The following DDX23 variants were observed in gnomAD, a reference collection of about 807,000 sequenced individuals.
The protein encoded by DDX23 is probable ATP-dependent RNA helicase DDX23.
DDX23 carries 33 observed loss-of-function variants against 102.7 expected under a neutral mutation model. The ratio of observed to expected loss-of-function variants is 0.32; its 90% CI spans 0.24 to 0.43. DDX23 has a LOEUF of 0.43. Ranked by LOEUF, DDX23 falls within the 20% of genes least tolerant of loss-of-function variation. The pLI is 1.00. For synonymous variants in DDX23, 352 were observed against 376.0 expected, an observed-to-expected ratio of 0.94 and a Z score of 0.74; for missense variants, 549 against 1,086.6, an observed-to-expected ratio of 0.51 and a Z score of 6.96.
chr12:48,843,839 C>G, intron 3 of DDX23, 101 bp downstream of exon 3: 1 of 1,329,182 alleles, frequency 7.5e-7, no homozygotes. Flanking sequence ...TGAGCCACCA[C>G]GCCTGGCGAG....
At chr12:48,850,865 G>A (rs1286965855) in intron 1 of DDX23, among the ~76,000 whole-genome samples, 5 of 152,120 alleles carry the variant, frequency 3.3e-5, no homozygotes, top group Admixed American at 6.6e-5. Flanking sequence ...GTTGCATTGC[G>A]GGAATGGAAG....
chr12:48,848,147 G>GT (rs1377912327), intron 1 of DDX23, among the ~76,000 whole-genome samples: 1 of 152,086 alleles, frequency 6.6e-6, no homozygotes, highest in Non-Finnish European at 1.5e-5. Context: ...TTAGCCGGGC[G>GT]TGGTGGTGGG....
At position 48,836,706 on chromosome 12, in the gene DDX23, C is replaced by G; in HGVS notation, c.1099G>C (p.Asp367His). The G allele has an allele frequency of 6.2e-7, 1 of 1,614,214 alleles. No homozygotes were observed. Among genetic ancestry groups the G allele is most frequent in the Non-Finnish European group, 8.5e-7 (1 of 1,180,046 alleles). ...TCACGGAAGATCCGCCAGTCCCTGT[C>G]CGTCATCTCATCTAACTTTTTCTGA... ...WSQKKLDEMT[D>H]RDWRIFREDY... Residue 367 changes from aspartate (D) to histidine (H), a missense_variant, in exon 10 of 17, where the codon GAC (aspartate) becomes CAC (histidine). Physicochemically the swap from Asp to His is moderately conservative, Grantham distance 81. This residue lies in a region of DDX23 where 270 missense variants were observed against 707.0 expected (regional missense o/e 0.38). Coordinates refer to ENST00000308025, the MANE Select transcript of DDX23 (RefSeq NM_004818.3). The surrounding 1 kb of genome is among the most constrained non-coding windows in gnomAD (Gnocchi z 6.1).
chr12:48,839,717 C>T, intron 5 of DDX23, 127 bp downstream of exon 5: 1 of 905,384 alleles, frequency 1.1e-6, no homozygotes, highest in Non-Finnish European at 1.7e-6. Context: ...ACCCTGCTGA[C>T]ACTCCGCTCT....
Position 48,830,703 on chromosome 12 carries a change from G to A in DDX23, c.2240-11C>T. The A allele has an allele frequency of 6.3e-7, 1 of 1,594,542 alleles. No homozygotes were observed. The highest frequency in any genetic ancestry group is 8.5e-7 in the Non-Finnish European group (1 of 1,169,812). On this transcript the variant is annotated splice_polypyrimidine_tract_variant and intron_variant, in intron 16 of 16. Transcript: ENST00000308025. The surrounding 1 kb of genome is among the most constrained non-coding windows in gnomAD (Gnocchi z 4.9). ...TGCGGTGGATGTAATCTGGGGAATG[G>A]GAAGAACGTCACTCAGCATAGCCCA...
In DDX23 at chr12:48,845,662, A is replaced by G. The variant is rs1592204983; in HGVS notation, c.121T>C (p.Ser41Pro). 2 of 1,614,196 alleles carry G rather than the reference A, an allele frequency of 1.2e-6. No individual in the cohort carries two copies. Among genetic ancestry groups the G allele is most frequent in the Non-Finnish European group, 1.7e-6 (2 of 1,180,038 alleles). ...DRDRDRKSSP[S>P]KDRKRHRSRD... is the part of the protein sequence containing the mutation. ...GAACGATGCCGCTTTCTATCTTTAG[A>G]TGGGGAAGACTTCCGGTCCCGGTCT... The change falls in exon 2 of 17, where the codon TCT becomes CCT. Residue 41 changes from serine (S) to proline (P), a missense_variant. Transcript: ENST00000308025.
At chr12:48,847,189 T>G (rs1258450787) in intron 1 of DDX23, 4 of 152,202 alleles carry the variant, frequency 2.6e-5, no homozygotes. Flanking sequence ...GACTGATTGT[T>G]CTGTATCAGT....
rs763929446 is a variant in DDX23 at position 48,836,304 on chromosome 12, G to A, written c.1237-38C>T. ...CAAGAAAGAGTAATAGGTACAGGGAGAGTTATACCACCTGGGCAACCACTG... is the reference window on the plus strand; with the variant it reads ...CAAGAAAGAGTAATAGGTACAGGGAAAGTTATACCACCTGGGCAACCACTG... On this transcript the variant is annotated intron_variant, in intron 10 of 16. Transcript: ENST00000308025. The surrounding 1 kb of genome is among the most constrained non-coding windows in gnomAD (Gnocchi z 6.1). 3.7e-6 allele frequency: 6 copies of A among 1,606,792 alleles called. No homozygotes were observed. The highest frequency in any genetic ancestry group is 2.2e-5 in the East Asian group (1 of 44,682).
At chr12:48,842,174 G>C (rs957323143) in intron 3 of DDX23, among the ~76,000 whole-genome samples, 4 of 86,206 alleles carry the variant, frequency 4.6e-5, no homozygotes, top group African/African-American at 1.1e-4. Flanking sequence ...GGAGGGAGGT[G>C]GGGGGGGTTA....
chr12:48,842,645 C>T (rs1326813179), intron 3 of DDX23, among the ~76,000 whole-genome samples: 1 of 132,698 alleles, frequency 7.5e-6, no homozygotes, highest in Non-Finnish European at 1.6e-5. Context: ...CCCCTCTGCC[C>T]GGCCAGCCGC....
At chr12:48,842,543 A>G (rs1592203392) in intron 3 of DDX23, among the ~76,000 whole-genome samples, 3 of 127,382 alleles carry the variant, frequency 2.4e-5, no homozygotes, top group African/African-American at 3.0e-5. Context: ...TCCGGGAGGG[A>G]GGTGGGGGGG....
Position 48,830,508 on chromosome 12 carries a change from G to C in DDX23, c.2424C>G (p.Ile808Met). The C allele has an allele frequency of 6.2e-7, 1 of 1,613,846 alleles. No individual in the cohort carries two copies. Among genetic ancestry groups the C allele is most frequent in the Non-Finnish European group, 8.5e-7 (1 of 1,180,008 alleles). ...TCTCTTCCCGGCGCTTCTTGGTGAG[G>C]ATGGTGCCTGGCTTATGCTGGGCAT... ...HPDAQHKPGT[I>M]LTKKRREETI... Residue 808 changes from isoleucine to methionine, a missense_variant, in exon 17 of 17, where the codon ATC becomes ATG. Physicochemically the swap from Ile to Met is conservative, Grantham distance 10. Around this residue, in one of 4 missense-constraint regions of DDX23, gnomAD observed 38 missense variants for 94.5 expected, o/e 0.40. Transcript: ENST00000308025. The surrounding 1 kb of genome is among the most constrained non-coding windows in gnomAD (Gnocchi z 4.9).
Position 48,839,028 on chromosome 12 carries a change from AC to A in DDX23, c.480+815del, listed in dbSNP as rs375381993. Among the ~76,000 whole-genome samples the A allele has an allele frequency of 2.6e-5, 4 of 152,134 alleles. No individual in the cohort carries two copies. The East Asian group carries it at 7.8e-4, about 30-fold the overall frequency. On this transcript the variant is annotated intron_variant, in intron 5 of 16. Transcript: ENST00000308025. Reference sequence around the variant, plus strand: ...GTAGCTGGGACTACAGGCGCATGCTACCACAGATGGCTAATTTTTAAAATTT... The same window carrying A: ...GTAGCTGGGACTACAGGCGCATGCTACACAGATGGCTAATTTTTAAAATTT...
At chr12:48,840,362 C>T (rs767869923) in intron 3 of DDX23, among the ~76,000 whole-genome samples, 1 of 152,066 alleles carries the variant, frequency 6.6e-6, no homozygotes, top group East Asian at 1.9e-4. Flanking sequence ...TGGGACTTTA[C>T]TACTGATGTC....
intron 1 of DDX23, among the ~76,000 whole-genome samples, chr12:48,848,052 G>A (rs2137497550): frequency 6.6e-6 from 1 of 152,304 alleles, no homozygotes. Flanking sequence ...TTGGGAGGCT[G>A]AGGCGGGCAG....
intron 3 of DDX23, among the ~76,000 whole-genome samples, chr12:48,843,598 G>A (rs1293073011): frequency 6.8e-6 from 1 of 146,290 alleles, no homozygotes; most frequent in Non-Finnish European, 1.5e-5. Context: ...GCCCAGGCTG[G>A]AGTGCAGTGG....
chr12:48,844,492 T>G (rs553786143), intron 2 of DDX23, among the ~76,000 whole-genome samples: 341 of 152,184 alleles, frequency 2.2e-3, no homozygotes, highest in African/African-American at 7.7e-3. Flanking sequence ...TTGGCCAGGC[T>G]GCTCTCAAAC....
Position 48,830,611 on chromosome 12 carries a change from G to A in DDX23, c.2321C>T (p.Ala774Val). 1 of 1,614,158 alleles carries A rather than the reference G, an allele frequency of 6.2e-7. No individual in the cohort carries two copies. Among genetic ancestry groups the A allele is most frequent in the Non-Finnish European group, 8.5e-7 (1 of 1,180,036 alleles). Residue 774 changes from alanine (A) to valine (V), a missense_variant, in exon 17 of 17, where the codon GCT becomes GTT. By Grantham distance (64) the Ala-to-Val change is moderately conservative. Transcript: ENST00000308025. The surrounding 1 kb of genome is among the most constrained non-coding windows in gnomAD (Gnocchi z 4.9). ...AITFLTKEDS[A>V]VFYELKQAIL... ...AGCTTGCTTCAGCTCGTAGAACACA[G>A]CAGAGTCCTCTTTTGTGAGGAAGGT...
intron 1 of DDX23, among the ~76,000 whole-genome samples, chr12:48,851,008 T>C (rs1430880816): frequency 1.3e-5 from 2 of 152,212 alleles, no homozygotes; most frequent in Non-Finnish European, 2.9e-5. Flanking sequence ...CCCAGCAGCC[T>C]TCCTCTCAAA....
Sources: allele counts gnomAD v4.1 joint callset (sites outside exome capture counted in the v4.1 genomes callset), GRCh38; gene constraint gnomAD v4.1.1; regional missense constraint gnomAD v4.1.1; non-coding constraint Gnocchi (gnomAD v3.1); transcripts MANE v1.5; gene names NCBI Gene and HGNC (gene_info 2026-07-23, HGNC 2026-07-21).